The following MACROD2 variants were observed in gnomAD, a reference collection of about 807,000 sequenced individuals.
MACROD2 encodes the protein ADP-ribose glycohydrolase MACROD2.
MACROD2 carries 36 observed loss-of-function variants against 70.4 expected under a neutral mutation model. That is an observed-to-expected ratio of 0.51 (90% CI 0.39 to 0.68). The LOEUF is 0.68. MACROD2 is among the 30% of genes least tolerant of loss of function. The pLI, the probability that MACROD2 is intolerant of heterozygous loss-of-function variation, is 0.00. For missense variants in MACROD2, 496 were observed against 538.4 expected (o/e 0.92, Z 0.78); for synonymous variants, 172 against 178.8 (o/e 0.96, Z 0.30).
At chr20:14,768,381 G>C (rs1376654332) in intron 5 of MACROD2, among the ~76,000 whole-genome samples, 1 of 152,128 alleles carries the variant, frequency 6.6e-6, no homozygotes, top group Non-Finnish European at 1.5e-5. Context: ...TAGAGTATGT[G>C]AACATTTCCC....
intron 5 of MACROD2, among the ~76,000 whole-genome samples, chr20:14,717,367 G>T (rs893037554): frequency 3.3e-5 from 5 of 152,032 alleles, no homozygotes; most frequent in African/African-American, 1.2e-4. Context: ...ACCGAATGTG[G>T]GTGGTAAGAG....
At chr20:14,423,919 C>T (rs1236501869) in intron 3 of MACROD2, among the ~76,000 whole-genome samples, 7 of 151,562 alleles carry the variant, frequency 4.6e-5, no homozygotes, top group African/African-American at 9.7e-5. Context: ...TGTGCCACCA[C>T]ACCCGGCTAA....
intron 3 of MACROD2, among the ~76,000 whole-genome samples, chr20:14,458,733 G>C (rs1334835786): frequency 6.6e-6 from 1 of 152,060 alleles, no homozygotes; most frequent in Admixed American, 6.6e-5. Context: ...GGAAAAAAAA[G>C]GCAAGCAGTT....
chr20:15,066,368 A>G (rs975121563), intron 5 of MACROD2, among the ~76,000 whole-genome samples: 28 of 151,576 alleles, frequency 1.8e-4, no homozygotes, highest in Non-Finnish European at 3.7e-4. Context: ...TCCCGACCTC[A>G]GGTGATCTGC....
chr20:14,627,821 A>G (rs559177222), intron 4 of MACROD2, among the ~76,000 whole-genome samples: 1 of 152,300 alleles, frequency 6.6e-6, no homozygotes, highest in South Asian at 2.1e-4. Flanking sequence ...TCTGGATTCA[A>G]TGACAAAAAA....
intron 17 of MACROD2, 40 bp from the exon 18 acceptor site, chr20:16,049,790 C>G: frequency 1.2e-6 from 2 of 1,608,636 alleles, no homozygotes; most frequent in Non-Finnish European, 1.7e-6. Flanking sequence ...GTGAAGATGT[C>G]TTATCTTTAA....
rs753590501 is a variant in MACROD2, at chr20:15,998,766, G to A, written c.1153+11608G>A. On this transcript the variant is annotated intron_variant, in intron 15 of 17. Coordinates refer to ENST00000684519, the MANE Select transcript of MACROD2 (RefSeq NM_001351661.2). ...TTTTTAGTACAGATAGGGTTTCACC[G>A]TGTTAGCCAGGATGGTCTCAACCTC... Among the ~76,000 whole-genome samples the A allele has an allele frequency of 7.3e-5, 11 of 151,442 alleles. 1 individual carries two copies. Among genetic ancestry groups the A allele is most frequent in the South Asian group, 6.3e-4 (3 of 4,774 alleles).
At chr20:16,001,676 C>T (rs1217286858) in intron 15 of MACROD2, among the ~76,000 whole-genome samples, 2 of 152,058 alleles carry the variant, frequency 1.3e-5, no homozygotes, top group Non-Finnish European at 2.9e-5. Context: ...AGAAAAATTT[C>T]AAAGGAGAAT....
chr20:14,421,909 T>G (rs1032293861), intron 3 of MACROD2, among the ~76,000 whole-genome samples: 4 of 152,182 alleles, frequency 2.6e-5, no homozygotes, highest in African/African-American at 4.8e-5. Context: ...GTGTTAGGTC[T>G]AATTTGTTTA....
intron 2 of MACROD2, among the ~76,000 whole-genome samples, chr20:14,061,295 A>C (rs2053687836): frequency 6.6e-6 from 1 of 152,184 alleles, no homozygotes; most frequent in African/African-American, 2.4e-5. Flanking sequence ...GAATTTGTTT[A>C]AAGTTCTTTT....
chr20:15,345,479 G>A (rs2078155955), intron 6 of MACROD2, among the ~76,000 whole-genome samples: 1 of 152,158 alleles, frequency 6.6e-6, no homozygotes, highest in Admixed American at 6.6e-5. Flanking sequence ...TTAGTTTCAT[G>A]AATGAATCAA....
chr20:14,864,692 A>C (rs1447966052), intron 5 of MACROD2, among the ~76,000 whole-genome samples: 1 of 152,076 alleles, frequency 6.6e-6, no homozygotes, highest in Non-Finnish European at 1.5e-5. Context: ...TGCCAGCTGG[A>C]GGAATTTTAG....
chr20:14,022,070 T>C (rs1232652093), intron 2 of MACROD2, among the ~76,000 whole-genome samples: 1 of 152,204 alleles, frequency 6.6e-6, no homozygotes, highest in Admixed American at 6.5e-5. Context: ...AAAGTAGTTA[T>C]ATGTTATAGG....
intron 7 of MACROD2, among the ~76,000 whole-genome samples, chr20:15,460,205 C>T (rs1600443635): frequency 6.6e-6 from 1 of 152,122 alleles, no homozygotes. Flanking sequence ...TAAAACAAGA[C>T]CCCAGAAACT....
At chr20:15,976,389 T>A (rs2066306645) in intron 13 of MACROD2, among the ~76,000 whole-genome samples, 2 of 152,228 alleles carry the variant, frequency 1.3e-5, no homozygotes, top group South Asian at 4.1e-4. Context: ...GAAAAATATA[T>A]ACATAAACTG....
chr20:15,349,771 A>AAAAC (rs2078207384), intron 6 of MACROD2, among the ~76,000 whole-genome samples: 1 of 151,112 alleles, frequency 6.6e-6, no homozygotes, highest in African/African-American at 2.4e-5. Context: ...AAAAAAAAAC[A>AAAAC]CACCACGAAA....
chr20:15,010,766 T>C (rs1307199642), intron 5 of MACROD2, among the ~76,000 whole-genome samples: 1 of 152,180 alleles, frequency 6.6e-6, no homozygotes, highest in African/African-American at 2.4e-5. Flanking sequence ...TACTGTTGTT[T>C]GTTTTGTTTT....
chr20:15,143,522 T>C (rs1298936372), intron 5 of MACROD2, among the ~76,000 whole-genome samples: 1 of 152,180 alleles, frequency 6.6e-6, no homozygotes, highest in Non-Finnish European at 1.5e-5. Context: ...TTTAATTAGA[T>C]CCCATTTGTC....
At chr20:14,781,431 C>G (rs1028234123) in intron 5 of MACROD2, among the ~76,000 whole-genome samples, 1 of 149,530 alleles carries the variant, frequency 6.7e-6, no homozygotes, top group Non-Finnish European at 1.5e-5. Context: ...GATGTTTACT[C>G]TCATGTCTGA....
Sources: allele counts gnomAD v4.1 joint callset (sites outside exome capture counted in the v4.1 genomes callset), GRCh38; gene constraint gnomAD v4.1.1; transcripts MANE v1.5; gene names NCBI Gene and HGNC (gene_info 2026-07-23, HGNC 2026-07-21).